EPC1: variants seen among roughly 807,000 people sequenced by gnomAD.
EPC1 encodes the protein enhancer of polycomb 1, also known as enhancer of polycomb homolog 1.
In EPC1, 12 loss-of-function variants were observed where a neutral mutation model predicts 98.4. The ratio of observed to expected loss-of-function variants is 0.12; its 90% CI spans 0.08 to 0.20. The LOEUF (loss-of-function observed/expected upper bound fraction) is 0.20, where lower values mean the gene tolerates loss of function less well. Ranked by LOEUF, EPC1 falls within the 10% of genes least tolerant of loss-of-function variation. The pLI, the probability that EPC1 is intolerant of heterozygous loss-of-function variation, is 1.00. For missense variants in EPC1, 729 were observed against 990.5 expected (o/e 0.74, Z 3.54); for synonymous variants, 357 against 363.9 (o/e 0.98, Z 0.21).
chr10:32,342,526 A>T (rs894920157), intron 1 of EPC1, among the ~76,000 whole-genome samples: 1 of 152,228 alleles, frequency 6.6e-6, no homozygotes, highest in South Asian at 2.1e-4. Context: ...AATACAGAAA[A>T]GGTGGGAGTA....
upstream of EPC1, among the ~76,000 whole-genome samples, chr10:32,351,734 T>C (rs1839116097): frequency 6.6e-6 from 1 of 151,818 alleles, no homozygotes; most frequent in Admixed American, 6.6e-5. Flanking sequence ...TATTTATTTA[T>C]TTATTTTATT....
At chr10:32,340,328 T>C (rs1029654295) in intron 1 of EPC1, among the ~76,000 whole-genome samples, 2 of 152,246 alleles carry the variant, frequency 1.3e-5, no homozygotes, top group African/African-American at 4.8e-5. Context: ...AGTTTGCTTT[T>C]GTTTTTCATA....
intron 1 of EPC1, among the ~76,000 whole-genome samples, chr10:32,371,121 T>C (rs141186204): frequency 3.6e-4 from 55 of 152,332 alleles, no homozygotes; most frequent in African/African-American, 1.3e-3. Context: ...ATGAACACCT[T>C]CAGAACTAAA....
chr10:32,288,792 A>C (rs1354553010), intron 6 of EPC1, among the ~76,000 whole-genome samples: 1 of 151,958 alleles, frequency 6.6e-6, no homozygotes, highest in Non-Finnish European at 1.5e-5. Flanking sequence ...CCACATTAAA[A>C]TAGTTAAGAG....
chr10:32,314,774 C>A (rs1415299817), intron 1 of EPC1, among the ~76,000 whole-genome samples: 1 of 152,134 alleles, frequency 6.6e-6, no homozygotes, highest in Non-Finnish European at 1.5e-5. Context: ...GTAGATAAAG[C>A]CTATCTGGAG....
At chr10:32,378,550 G>C in exon 1 of EPC1, 5 of 1,398,872 alleles carry the variant, frequency 3.6e-6, no homozygotes, top group Non-Finnish European at 9.8e-7. Context: ...ATATAGGCTG[G>C]ATACTTGTGT....
At chr10:32,285,176 A>G in intron 9 of EPC1, 126 bp from the exon 10 acceptor site, 1 of 676,654 alleles carries the variant, frequency 1.5e-6, no homozygotes. Flanking sequence ...AAAGCTTTAA[A>G]GTTGATTATT....
Position 32,345,600 on chromosome 10 carries a change from T to C in EPC1, c.153+1163A>G, listed in dbSNP as rs1838718022. On this transcript the variant is annotated intron_variant, in intron 1 of 13. Coordinates refer to ENST00000319778, the MANE Select transcript of EPC1 (RefSeq NM_001272004.3). ...GTATGCAATTCCTTAGGATTAGAAGTCATCAAGTTATACTGTCAAGGATCT... is the reference window on the plus strand; with the variant it reads ...GTATGCAATTCCTTAGGATTAGAAGCCATCAAGTTATACTGTCAAGGATCT... 3.0e-6 allele frequency: 3 copies of C among 985,262 alleles called. No homozygotes were observed. The South Asian group carries it at 1.4e-4, about 46-fold the overall frequency. 61.0% of individuals were successfully genotyped at this position (985,262 alleles called of 1,614,324 possible).
intron 1 of EPC1, among the ~76,000 whole-genome samples, chr10:32,330,822 T>C (rs995459748): frequency 3.3e-5 from 5 of 151,706 alleles, no homozygotes; most frequent in African/African-American, 1.2e-4. Flanking sequence ...AGAAATTTTA[T>C]GGGAAAAAAA....
intron 1 of EPC1, among the ~76,000 whole-genome samples, chr10:32,370,649 T>C (rs907542955): frequency 1.3e-5 from 2 of 152,324 alleles, no homozygotes; most frequent in East Asian, 1.9e-4. Context: ...GGCTGTTCAA[T>C]AGAGCTTTGG....
At chr10:32,293,555 A>C (rs1401457144) in intron 3 of EPC1, 37 bp downstream of exon 3, 1 of 1,584,726 alleles carries the variant, frequency 6.3e-7, no homozygotes, top group African/African-American at 1.3e-5. Context: ...TTTACATAGA[A>C]TATGTATATA....
intron 1 of EPC1, among the ~76,000 whole-genome samples, chr10:32,343,138 AT>A (rs35379284): frequency 0.65 from 99,344 of 151,972 alleles, 32,903 homozygotes; most frequent in Middle Eastern, 0.78. Context: ...AAAGTCTATT[AT>A]TTCGCTGTGA....
rs766048312 is a variant in EPC1 at position 32,273,049 on chromosome 10, G to A, written c.1863+114C>T. On this transcript the variant is annotated intron_variant, in intron 11 of 13. Transcript: ENST00000319778. The stretch of plus-strand genomic sequence containing the variant: ...CTTTCTAAACCCTGTATATTCAGGC[G>A]AAAGCCACTTTTCTGCTGGTTAGAT... The A allele has an allele frequency of 1.7e-5, 27 of 1,613,994 alleles. No individual in the cohort carries two copies. Among genetic ancestry groups the A allele is most frequent in the Admixed American group, 1.7e-4 (10 of 59,992 alleles).
intron 6 of EPC1, among the ~76,000 whole-genome samples, 186 bp from the exon 7 acceptor site, chr10:32,287,460 T>C (rs986652718): frequency 6.6e-6 from 1 of 152,206 alleles, no homozygotes; most frequent in Non-Finnish European, 1.5e-5. Context: ...CATGAAAGCA[T>C]AAATTTGTCC....
At chr10:32,288,630 C>A (rs1836826385) in intron 6 of EPC1, among the ~76,000 whole-genome samples, 1 of 152,078 alleles carries the variant, frequency 6.6e-6, no homozygotes, top group African/African-American at 2.4e-5. Context: ...GGATTATAGG[C>A]ATGAGCTGCT....
At chr10:32,333,084 G>T (rs1284924222) in intron 1 of EPC1, among the ~76,000 whole-genome samples, 1 of 152,218 alleles carries the variant, frequency 6.6e-6, no homozygotes, top group Non-Finnish European at 1.5e-5. Context: ...GCTCACGCCT[G>T]TAATCCCAGC....
rs1360322884 is a variant in EPC1 at position 32,286,715 on chromosome 10, C to G, written c.1370G>C (p.Arg457Thr). 1 of 1,614,164 alleles carries G rather than the reference C, an allele frequency of 6.2e-7. No individual in the cohort carries two copies. Among genetic ancestry groups the G allele is most frequent in the South Asian group, 1.1e-5 (1 of 91,082 alleles). ...VPQRCIGFAR[R>T]RVGRGGRVLL... ...TTACCTTCCACCGCGCCCAACCCGT[C>G]TTCGTGCAAATCCAATACACCTTTG... is the stretch of plus-strand genomic sequence containing the variant. The change falls in exon 9 of 14, where the codon AGA becomes ACA. Residue 457 changes from arginine (R) to threonine (T), a missense_variant. Transcript: ENST00000319778.
chr10:32,337,185 G>A (rs1838027509), intron 1 of EPC1, among the ~76,000 whole-genome samples: 1 of 152,178 alleles, frequency 6.6e-6, no homozygotes, highest in South Asian at 2.1e-4. Flanking sequence ...GTTAGGGCAA[G>A]TCCAGAACAG....
chr10:32,270,919 G>A (rs1353441341), intron 13 of EPC1, among the ~76,000 whole-genome samples: 1 of 150,674 alleles, frequency 6.6e-6, no homozygotes, highest in Non-Finnish European at 1.5e-5. Context: ...GAGAAGCTGT[G>A]GAAAAAAAGT....
Sources: allele counts gnomAD v4.1 joint callset (sites outside exome capture counted in the v4.1 genomes callset), GRCh38; gene constraint gnomAD v4.1.1; transcripts MANE v1.5; gene names NCBI Gene and HGNC (gene_info 2026-07-23, HGNC 2026-07-21).